The following NFAT5 variants were observed in gnomAD, a reference collection of about 807,000 sequenced individuals.
NFAT5 encodes nuclear factor of activated T cells 5.
A neutral mutation model predicts 166.5 loss-of-function variants in NFAT5; 31 were observed. The ratio of observed to expected loss-of-function variants is 0.19; its 90% CI spans 0.14 to 0.25. The LOEUF (loss-of-function observed/expected upper bound fraction) is 0.25, where lower values mean the gene tolerates loss of function less well. NFAT5 is among the 10% of genes least tolerant of loss of function. The pLI, the probability that NFAT5 is intolerant of heterozygous loss-of-function variation, is 1.00. For missense variants in NFAT5, 1,449 were observed against 1,821.8 expected, an observed-to-expected ratio of 0.80 and a Z score of 3.72; for synonymous variants, 612 against 639.7, an observed-to-expected ratio of 0.96 and a Z score of 0.65.
In NFAT5 at chr16:69,598,982, C is replaced by T. The variant is rs533924416; in HGVS notation, c.128-27421C>T. On this transcript the variant is annotated intron_variant, in intron 2 of 14. Transcript: ENST00000349945. ...TGAGCTGAAATGGCGCCACTGTACT[C>T]CAGTCTGGGCTCTGGGCGACAGAGT... Among the ~76,000 whole-genome samples, 6 of 149,988 alleles carry T rather than the reference C, an allele frequency of 4.0e-5. No homozygotes were observed. The South Asian group carries it at 1.1e-3, about 27-fold the overall frequency.
intron 2 of NFAT5, among the ~76,000 whole-genome samples, chr16:69,605,068 A>G (rs933142963): frequency 3.3e-5 from 5 of 152,160 alleles, no homozygotes; most frequent in African/African-American, 1.2e-4. Context: ...TAATTCTTTT[A>G]AGTATAAGAA....
intron 2 of NFAT5, among the ~76,000 whole-genome samples, chr16:69,619,217 G>T (rs1266088746): frequency 6.6e-6 from 1 of 152,172 alleles, no homozygotes; most frequent in Non-Finnish European, 1.5e-5. Context: ...AGGTAGGGAG[G>T]TAGGGATGAA....
At chr16:69,624,322 C>T (rs916266916) in intron 2 of NFAT5, among the ~76,000 whole-genome samples, 14 of 152,098 alleles carry the variant, frequency 9.2e-5, no homozygotes, top group Admixed American at 6.5e-4. Context: ...TCTCCTGCCT[C>T]GGCCTCCCGA....
At chr16:69,695,843 G>T (rs954977941) in intron 14 of NFAT5, among the ~76,000 whole-genome samples, 1 of 152,120 alleles carries the variant, frequency 6.6e-6, no homozygotes, top group African/African-American at 2.4e-5. Context: ...CAAAAGTCAG[G>T]CTCACAACAT....
chr16:69,656,767 A>G (rs915597689), intron 6 of NFAT5, among the ~76,000 whole-genome samples: 2 of 152,160 alleles, frequency 1.3e-5, no homozygotes, highest in Non-Finnish European at 2.9e-5. Context: ...ACTGTTCAGC[A>G]GAGACTATGA....
intron 2 of NFAT5, 70 bp from the exon 3 acceptor site, chr16:69,626,333 T>A: frequency 7.3e-7 from 1 of 1,365,184 alleles, no homozygotes; most frequent in Non-Finnish European, 9.9e-7. Context: ...CATACTCATT[T>A]TGTGCATATT....
intron 2 of NFAT5, among the ~76,000 whole-genome samples, chr16:69,597,599 T>C (rs948884594): frequency 1.3e-5 from 2 of 151,662 alleles, no homozygotes; most frequent in Admixed American, 1.3e-4. Flanking sequence ...GTTTTCTTTT[T>C]TTTTTTTTTT....
intron 3 of NFAT5, chr16:69,632,256 T>C (rs1368522639): frequency 5.9e-5 from 9 of 152,198 alleles, no homozygotes; most frequent in African/African-American, 2.2e-4. Flanking sequence ...AATGAAAATA[T>C]ATTATCACTT....
intron 6 of NFAT5, among the ~76,000 whole-genome samples, chr16:69,658,591 G>A (rs1466719530): frequency 6.6e-6 from 1 of 152,142 alleles, no homozygotes; most frequent in Non-Finnish European, 1.5e-5. Context: ...AACACTGGGA[G>A]GCTGAGGTGG....
intron 2 of NFAT5, among the ~76,000 whole-genome samples, chr16:69,587,368 G>A (rs2032142690): frequency 9.3e-6 from 1 of 108,044 alleles, no homozygotes; most frequent in African/African-American, 3.8e-5. Flanking sequence ...GAGCCACCAT[G>A]CCCGGCCTAT....
At position 69,692,330 on chromosome 16, in the gene NFAT5, T is replaced by A; in HGVS notation, c.2505T>A (p.Asp835Glu). 6.2e-7 allele frequency: 1 copy of A among 1,614,158 alleles called. No homozygotes were observed. The highest frequency in any genetic ancestry group is 8.5e-7 in the Non-Finnish European group (1 of 1,180,020). ...CTTCAGTTTTATTTTCTGCTCCAGA[T>A]GGTAATGAGAATGTTCAAGAGCAGC... The part of the protein sequence containing the change: ...QLSSVLFSAP[D>E]GNENVQEQLS... The change falls in exon 13 of 15, where the codon GAT becomes GAA. Residue 835 changes from aspartate (D) to glutamate (E), a missense_variant. By Grantham distance (45) the Asp-to-Glu change is conservative. Transcript: ENST00000349945.
At chr16:69,587,625 G>A (rs1199721863) in intron 2 of NFAT5, among the ~76,000 whole-genome samples, 1 of 152,122 alleles carries the variant, frequency 6.6e-6, no homozygotes, top group Non-Finnish European at 1.5e-5. Flanking sequence ...CTGACCTTAA[G>A]TGATCTGCCC....
In NFAT5 at chr16:69,566,929, C is replaced by T. The variant is rs2016090789; in HGVS notation, c.73+555C>T. On this transcript the variant is annotated intron_variant, in intron 1 of 14. Transcript: ENST00000349945. The surrounding 1 kb of genome is among the most constrained non-coding windows in gnomAD (Gnocchi z 5.7). ...CCTCCGGCCTAGTCCACTCCCTCCC[C>T]ATGTTGGGACAGCCCCCCTCGACCA... Among the ~76,000 whole-genome samples, 3 of 152,304 alleles carry T rather than the reference C, an allele frequency of 2.0e-5. No homozygotes were observed. In the South Asian group the frequency reaches 6.2e-4, roughly 32 times the overall value.
In NFAT5 at chr16:69,701,955, A is replaced by AT. The variant is rs1218298018; in HGVS notation, c.*5605dup. On this transcript the variant is annotated 3_prime_UTR_variant, in exon 15 of 15. Transcript: ENST00000349945. ...ATTCCTTTTGATCAGATACAGTCAG[A>AT]TGGAGTGCCTTGGTTTTTGTTAATT... 2.0e-5 allele frequency: 3 copies of AT among 152,440 alleles called. No homozygotes were observed. The highest frequency in any genetic ancestry group is 7.2e-5 in the African/African-American group (3 of 41,460). The allele number at this position is 152,440 out of a possible 1,614,324, so 9.4% of individuals were successfully genotyped here. A position where few individuals can be genotyped will look rare whatever the true frequency, so the allele number is the denominator to read the frequency against.
intron 2 of NFAT5, among the ~76,000 whole-genome samples, chr16:69,582,017 C>T (rs1226604151): frequency 6.6e-6 from 1 of 152,152 alleles, no homozygotes; most frequent in Non-Finnish European, 1.5e-5. Context: ...GTAATCCCAG[C>T]ACTTTGTGAG....
At chr16:69,674,003 G>A (rs2036730010) in intron 9 of NFAT5, among the ~76,000 whole-genome samples, 1 of 152,040 alleles carries the variant, frequency 6.6e-6, no homozygotes, top group South Asian at 2.1e-4. Context: ...AGCAGTTTGG[G>A]AGGCCGAGGC....
chr16:69,583,008 CTTTT>C (rs890098349), intron 2 of NFAT5, among the ~76,000 whole-genome samples: 1 of 150,780 alleles, frequency 6.6e-6, no homozygotes, highest in Non-Finnish European at 1.5e-5. Context: ...CATGGGATGT[CTTTT>C]TATTTTTTTT....
At chr16:69,674,241 CAAAAAAAA>C in intron 9 of NFAT5, among the ~76,000 whole-genome samples, 2 of 71,364 alleles carry the variant, frequency 2.8e-5, no homozygotes, top group East Asian at 1.1e-3. Flanking sequence ...GAAACTGTCT[CAAAAAAAA>C]AAAAAAAAAA....
chr16:69,609,876 G>A (rs1350292784), intron 2 of NFAT5, among the ~76,000 whole-genome samples: 1 of 149,790 alleles, frequency 6.7e-6, no homozygotes, highest in Non-Finnish European at 1.5e-5. Flanking sequence ...ATGGTGGCAT[G>A]AGCCTGTAGG....
Sources: gnomAD v4.1 joint callset for allele counts (sites outside exome capture counted in the v4.1 genomes callset) on GRCh38, gnomAD v4.1.1 for gene constraint, Gnocchi (gnomAD v3.1) non-coding constraint, MANE v1.5 for transcripts, NCBI Gene and HGNC (gene_info 2026-07-23, HGNC 2026-07-21) for gene names.